The following PADI4 variants were observed in gnomAD, a reference collection of about 807,000 sequenced individuals.
PADI4 encodes the protein protein-arginine deiminase type-4.
PADI4 carries 62 observed loss-of-function variants against 75.0 expected under a neutral mutation model. That is an observed-to-expected ratio of 0.83 (90% CI 0.67 to 1.02). The LOEUF (loss-of-function observed/expected upper bound fraction) is 1.02. PADI4 is among the 50% of genes least tolerant of loss of function. The pLI is 0.00. For synonymous variants in PADI4, 361 were observed against 348.1 expected (o/e 1.04, Z -0.41); for missense variants, 845 against 850.5 (o/e 0.99, Z 0.08).
rs199974319 is a variant in PADI4 at position 17,358,581 on chromosome 1, T to A, written c.1559-257T>A. Among the ~76,000 whole-genome samples, 30 of 11,618 alleles carry A rather than the reference T, an allele frequency of 2.6e-3. 8 individuals are homozygous for A. The highest frequency in any genetic ancestry group is 7.5e-3 in the East Asian group (2 of 268). The allele number at this position is 11,618 out of a possible 152,430, so 7.6% of individuals were successfully genotyped here. On this transcript the variant is annotated intron_variant, in intron 13 of 15. Transcript: ENST00000375448. ...ACTCCGTCTCAAAAAAAAAAAAAAA[T>A]AATAATAAAAATAAAAATATATTTT...
At chr1:17,358,266 C>A (rs1340821411) in intron 13 of PADI4, among the ~76,000 whole-genome samples, 1 of 129,038 alleles carries the variant, frequency 7.7e-6, no homozygotes, top group Non-Finnish European at 1.6e-5. Flanking sequence ...AAAAAAATTA[C>A]ACTATAAAAA....
At chr1:17,321,431 G>A (rs1008291881) in intron 1 of PADI4, among the ~76,000 whole-genome samples, 1 of 152,240 alleles carries the variant, frequency 6.6e-6, no homozygotes, top group South Asian at 2.1e-4. Flanking sequence ...ACCTCTCTGT[G>A]CCTCAGTTTA....
chr1:17,327,546 CTT>C (rs896435072), intron 1 of PADI4, among the ~76,000 whole-genome samples: 4 of 143,052 alleles, frequency 2.8e-5, no homozygotes, highest in African/African-American at 2.5e-5. Flanking sequence ...TGATTATTTA[CTT>C]TTTTTTTTTT....
At position 17,356,068 on chromosome 1, in the gene PADI4, T is replaced by C. The variant is rs1489774290; in HGVS notation, c.1396T>C (p.Trp466Arg). Reference sequence around the variant, plus strand: ...GGCCCCTGTGAAGCTCTATTCTGACTGGCTGTCCGTGGGCCACGTGGACGA... The same window carrying C: ...GGCCCCTGTGAAGCTCTATTCTGACCGGCTGTCCGTGGGCCACGTGGACGA... ...VQAPVKLYSD[W>R]LSVGHVDEFL... The change falls in exon 12 of 16, where the codon TGG (tryptophan) becomes CGG (arginine). Residue 466 changes from tryptophan to arginine, a missense_variant. Coordinates refer to ENST00000375448, the MANE Select transcript of PADI4 (RefSeq NM_012387.3). This position sits in a 1 kb window ranked among gnomAD's most constrained non-coding sequence, Gnocchi z 4.1. 2.7e-5 allele frequency: 44 copies of C among 1,614,074 alleles called. No individual in the cohort carries two copies. The highest frequency in any genetic ancestry group is 3.6e-5 in the Non-Finnish European group (43 of 1,180,032).
chr1:17,325,535 T>C (rs1360847610), intron 1 of PADI4, among the ~76,000 whole-genome samples: 1 of 152,148 alleles, frequency 6.6e-6, no homozygotes, highest in Non-Finnish European at 1.5e-5. Context: ...TTTAAAAAAG[T>C]TTAATTCACT....
chr1:17,331,006 G>T lies in PADI4; in HGVS notation c.130G>T (p.Ala44Ser). The T allele has an allele frequency of 6.3e-7, 1 of 1,593,884 alleles. No homozygotes were observed. Among genetic ancestry groups the T allele is most frequent in the Non-Finnish European group, 8.5e-7 (1 of 1,172,194 alleles). ...GGACTGCACGTCCTTCAGCATCAAC[G>T]CCTCCCCAGGGGTGGTCGTGGATAT... ...PEDCTSFSIN[A>S]SPGVVVDIAH... The change falls in exon 2 of 16, where the codon GCC becomes TCC. Residue 44 changes from alanine (A) to serine (S), a missense_variant. Physicochemically the swap from Ala to Ser is moderately conservative, Grantham distance 99 (BLOSUM62 1). Transcript: ENST00000375448.
intron 1 of PADI4, among the ~76,000 whole-genome samples, chr1:17,313,333 C>T (rs1366167773): frequency 6.6e-6 from 1 of 151,106 alleles, no homozygotes; most frequent in African/African-American, 2.4e-5. Context: ...AACCCCATCT[C>T]TACTAAAAAT....
At position 17,356,493 on chromosome 1, in the gene PADI4, C is replaced by G; in HGVS notation, c.1558+34C>G. ...GCCCTGCCTTGTTCTCCTGTCTGTG[C>G]ACCTTCCTGCTTCCCATAGTCCGCT... On this transcript the variant is annotated intron_variant, in intron 13 of 15. Coordinates refer to ENST00000375448, the MANE Select transcript of PADI4 (RefSeq NM_012387.3). This position sits in a 1 kb window ranked among gnomAD's most constrained non-coding sequence, Gnocchi z 4.1. 2 of 1,253,904 alleles carry G rather than the reference C, an allele frequency of 1.6e-6. No individual in the cohort carries two copies. The highest frequency in any genetic ancestry group is 2.3e-6 in the Non-Finnish European group (2 of 861,222). The allele number at this position is 1,253,904 out of a possible 1,614,324, so 77.7% of individuals were successfully genotyped here.
intron 1 of PADI4, among the ~76,000 whole-genome samples, chr1:17,323,214 A>G (rs2074061004): frequency 6.6e-6 from 1 of 152,184 alleles, no homozygotes; most frequent in Non-Finnish European, 1.5e-5. Context: ...ACAAAATGGC[A>G]GCTTGCTTCA....
chr1:17,312,437 G>A (rs1215013489), intron 1 of PADI4, among the ~76,000 whole-genome samples: 4 of 112,970 alleles, frequency 3.5e-5, no homozygotes, highest in Non-Finnish European at 6.8e-5. Context: ...TCCAACCTGG[G>A]CAATAAGAGT....
intron 10 of PADI4, among the ~76,000 whole-genome samples, chr1:17,351,996 A>AGGGAGGTGAT (rs2074647530): frequency 5.0e-5 from 1 of 19,970 alleles, no homozygotes; most frequent in Non-Finnish European, 8.8e-5. Context: ...AGAGGCAGTC[A>AGGGAGGTGAT]GGGAGGTGAT....
chr1:17,343,326 C>T (rs945740876), intron 8 of PADI4, among the ~76,000 whole-genome samples: 3 of 152,172 alleles, frequency 2.0e-5, no homozygotes, highest in African/African-American at 4.8e-5. Flanking sequence ...TTTGGGGAGG[C>T]CCAGGCAATC....
At chr1:17,341,669 G>T (rs1007644221) in intron 6 of PADI4, among the ~76,000 whole-genome samples, 39 of 152,352 alleles carry the variant, frequency 2.6e-4, no homozygotes, top group African/African-American at 8.9e-4. Context: ...GCTCAGGAAT[G>T]AGTGAAGGAA....
chr1:17,336,072 G>T, intron 3 of PADI4, 87 bp from the exon 4 acceptor site: 1 of 860,904 alleles, frequency 1.2e-6, no homozygotes, highest in South Asian at 1.4e-5. Context: ...CAGTCCCCTG[G>T]GGAAACGACC....
rs1372938542 is a variant in PADI4 at position 17,354,570 on chromosome 1, CAG to C, written c.1194_1195del (p.Gly400TyrfsTer39). 2.5e-6 allele frequency: 4 copies of C among 1,614,132 alleles called. No homozygotes were observed. Among genetic ancestry groups the C allele is most frequent in the South Asian group, 2.2e-5 (2 of 91,078 alleles). On this transcript the variant is annotated frameshift_variant, in exon 11 of 16. Transcript: ENST00000375448. LOFTEE classifies it high-confidence loss of function. ...GGCTATGTAACTCGAGGGCCCCAAACAGGGGGTATCAGTGGACTGGACTCCTT... is the reference window on the plus strand; with the variant it reads ...GGCTATGTAACTCGAGGGCCCCAAACGGGGTATCAGTGGACTGGACTCCTT...
In PADI4 at chr1:17,334,523, G is replaced by A. The variant is rs146239351; in HGVS notation, c.340+514G>A. ...TCACCATGTTGGCCAGGCTGGTCTC[G>A]AACTTCTGACCTCAGGTGATCTGCC... On this transcript the variant is annotated intron_variant, in intron 3 of 15. Coordinates refer to ENST00000375448, the MANE Select transcript of PADI4 (RefSeq NM_012387.3). 1,029 of 449,508 alleles carry A rather than the reference G, an allele frequency of 2.3e-3. 11 individuals are homozygous for A. Among genetic ancestry groups the A allele is most frequent in the African/African-American group, 0.019 (959 of 49,874 alleles). The allele number at this position is 449,508 out of a possible 1,614,324, so 27.8% of individuals were successfully genotyped here. A position where few individuals can be genotyped will look rare whatever the true frequency, so the allele number is the denominator to read the frequency against.
In PADI4 at chr1:17,352,217, G is replaced by A. The variant is rs957863116; in HGVS notation, c.1156-2316G>A. 5.6e-5 allele frequency among the ~76,000 whole-genome samples: 6 copies of A among 106,776 alleles called. 1 individual carries two copies. The highest frequency in any genetic ancestry group is 1.9e-4 in the African/African-American group (5 of 26,302). 70.0% of individuals were successfully genotyped at this position (106,776 alleles called of 152,430 possible). A position where few individuals can be genotyped will look rare whatever the true frequency, so the allele number is the denominator to read the frequency against. On this transcript the variant is annotated intron_variant, in intron 10 of 15. Transcript: ENST00000375448. The stretch of plus-strand genomic sequence containing the variant: ...GAGGAGATGGGAGGTGGTAAGAGGG[G>A]TGGTCAGGGAAGAGATGGGAGGTGG...
At chr1:17,345,819 G>A (rs2074504828) in intron 8 of PADI4, among the ~76,000 whole-genome samples, 1 of 152,132 alleles carries the variant, frequency 6.6e-6, no homozygotes, top group South Asian at 2.1e-4. Context: ...TAATACACGG[G>A]TGGAAGGGGT....
At chr1:17,359,195 A>AG in intron 14 of PADI4, 85 bp from the exon 15 acceptor site, 1 of 988,808 alleles carries the variant, frequency 1.0e-6, no homozygotes, top group Admixed American at 2.1e-5. Flanking sequence ...ACCCTCCGGC[A>AG]GGGGGCCTCA....
Sources: allele counts gnomAD v4.1 joint callset (sites outside exome capture counted in the v4.1 genomes callset), GRCh38; gene constraint gnomAD v4.1.1; non-coding constraint Gnocchi (gnomAD v3.1); transcripts MANE v1.5; gene names NCBI Gene and HGNC (gene_info 2026-07-23, HGNC 2026-07-21).